ABR: variants seen among roughly 807,000 people sequenced by gnomAD.
The protein encoded by ABR is ABR activator of RhoGEF and GTPase.
Under a neutral mutation model 107.2 loss-of-function variants are expected in ABR, and 35 were observed. The observed-to-expected ratio is 0.33, with a 90% CI of 0.25 to 0.43. The LOEUF is 0.43. Ranked by LOEUF, ABR falls within the 20% of genes least tolerant of loss-of-function variation. The pLI is 1.00. For synonymous variants in ABR, 498 were observed against 462.0 expected (o/e 1.08, Z -1.00); for missense variants, 815 against 1,115.2 (o/e 0.73, Z 3.83).
At chr17:1,181,457 C>T (rs2042131279), upstream of ABR, among the ~76,000 whole-genome samples, 2 of 152,132 alleles carry the variant, frequency 1.3e-5, no homozygotes, top group South Asian at 4.1e-4. Context: ...CCAGGGCTCC[C>T]TCCGCCCCAA....
chr17:1,121,246 T>G (rs1394465958), intron 2 of ABR, among the ~76,000 whole-genome samples: 1 of 152,160 alleles, frequency 6.6e-6, no homozygotes, highest in East Asian at 1.9e-4. Flanking sequence ...GAGAGGAGCA[T>G]GTCCTGCCAA....
At chr17:1,075,380 G>A (rs1276350775) in intron 6 of ABR, among the ~76,000 whole-genome samples, 3 of 152,272 alleles carry the variant, frequency 2.0e-5, no homozygotes, top group Non-Finnish European at 2.9e-5. Context: ...AGGTCCCAGC[G>A]TGAACACGCA....
chr17:1,032,016 C>CG (rs2072848029), intron 16 of ABR, among the ~76,000 whole-genome samples: 1 of 151,558 alleles, frequency 6.6e-6, no homozygotes, highest in Non-Finnish European at 1.5e-5. Flanking sequence ...GCCCCAACCC[C>CG]GGGTTTCATC....
upstream of ABR, among the ~76,000 whole-genome samples, chr17:1,189,142 G>A (rs577354047): frequency 2.0e-5 from 3 of 152,256 alleles, no homozygotes; most frequent in South Asian, 6.2e-4. Context: ...GAGTGAAGAA[G>A]GGTGAGACTC....
chr17:1,056,115 A>G lies in ABR; in HGVS notation c.1487-6T>C. The G allele has an allele frequency of 6.2e-7, 1 of 1,613,790 alleles. No homozygotes were observed. The highest frequency in any genetic ancestry group is 8.5e-7 in the Non-Finnish European group (1 of 1,179,684). On this transcript the variant is annotated splice_region_variant and splice_polypyrimidine_tract_variant and intron_variant, in intron 13 of 22. Transcript: ENST00000302538. ...GAGTCCTGGAGACTCATCGTCTGCA[A>G]GAGAGAAAAGCCCCCAGGGCAGAGG...
chr17:1,201,112 G>T (rs186435386), intron 1 of ABR, among the ~76,000 whole-genome samples: 40 of 152,370 alleles, frequency 2.6e-4, no homozygotes, highest in African/African-American at 9.6e-4. Flanking sequence ...GATCAGAGGA[G>T]CAGCCGGGGA....
intron 10 of ABR, among the ~76,000 whole-genome samples, chr17:1,062,334 C>T (rs1381142353): frequency 2.7e-5 from 4 of 147,430 alleles, no homozygotes; most frequent in Non-Finnish European, 6.0e-5. Flanking sequence ...GTTATGTGAA[C>T]TGAGGGCTAT....
In ABR at chr17:1,108,811, G is replaced by A. The variant is rs908117397; in HGVS notation, c.247-8076C>T. On this transcript the variant is annotated intron_variant, in intron 2 of 22. Coordinates refer to ENST00000302538, the MANE Select transcript of ABR (RefSeq NM_021962.5). ...CCCCGGGAACAGCTGCCGGGGCCGG[G>A]ACCCTCCGCCGAGGGCTTCCACCCG... is the stretch of plus-strand genomic sequence containing the variant. The A allele has an allele frequency of 9.8e-5, 42 of 426,510 alleles. No individual in the cohort carries two copies. In the African/African-American group the frequency reaches 1.7e-3, roughly 18 times the overall value. 26.4% of individuals were successfully genotyped at this position (426,510 alleles called of 1,614,324 possible). A position where few individuals can be genotyped will look rare whatever the true frequency, so the allele number is the denominator to read the frequency against.
At chr17:1,068,803 C>A (rs936260286) in intron 9 of ABR, among the ~76,000 whole-genome samples, 5 of 152,158 alleles carry the variant, frequency 3.3e-5, no homozygotes, top group African/African-American at 1.2e-4. Flanking sequence ...TCTAGCTGTG[C>A]GAGCTTGGGC....
intron 16 of ABR, among the ~76,000 whole-genome samples, chr17:1,025,320 A>G (rs1219163772): frequency 2.6e-5 from 4 of 152,110 alleles, no homozygotes; most frequent in Non-Finnish European, 5.9e-5. Context: ...AAACAAAAAC[A>G]AAAGAACCCA....
upstream of ABR, among the ~76,000 whole-genome samples, chr17:1,189,381 T>TTC (rs1458384823): frequency 1.3e-5 from 2 of 149,530 alleles, no homozygotes; most frequent in Non-Finnish European, 3.0e-5. Context: ...CAGAGTCTCG[T>TTC]TCTTGTCCCC....
In ABR at chr17:1,005,182, T is replaced by C; in HGVS notation, c.*898A>G. 2.5e-6 allele frequency: 1 copy of C among 398,720 alleles called. No individual in the cohort carries two copies. Among genetic ancestry groups the C allele is most frequent in the Non-Finnish European group, 4.4e-6 (1 of 226,138 alleles). 24.7% of individuals were successfully genotyped at this position (398,720 alleles called of 1,614,324 possible). On this transcript the variant is annotated 3_prime_UTR_variant, in exon 23 of 23. Transcript: ENST00000302538. ...CCATTCTCTCCTGACCCTCTGGCTA[T>C]CTCGATAGCAGGTCACCTGTGAGTC... is the stretch of plus-strand genomic sequence containing the variant.
chr17:1,182,250 T>C (rs1411438501), upstream of ABR: 1 of 152,124 alleles, frequency 6.6e-6, no homozygotes, highest in African/African-American at 2.4e-5. Flanking sequence ...GTTATCTCTG[T>C]TTTCTCCATT....
At chr17:1,038,268 G>T (rs755687920) in intron 16 of ABR, among the ~76,000 whole-genome samples, 2 of 152,146 alleles carry the variant, frequency 1.3e-5, no homozygotes, top group East Asian at 3.9e-4. Flanking sequence ...CAGTTCTCCC[G>T]AAGGCCTCGC....
chr17:1,102,852 A>G (rs2037994873), intron 2 of ABR, among the ~76,000 whole-genome samples: 1 of 152,074 alleles, frequency 6.6e-6, no homozygotes, highest in South Asian at 2.1e-4. Context: ...CTGGGATTAC[A>G]GGCGTCCACC....
At position 1,079,403 on chromosome 17, in the gene ABR, G is replaced by C. The variant is rs374191545; in HGVS notation, c.640-13C>G. 6.0e-5 allele frequency: 96 copies of C among 1,611,280 alleles called. No individual in the cohort carries two copies. The highest frequency in any genetic ancestry group is 8.1e-5 in the Non-Finnish European group (96 of 1,178,456). ...TCACTTTGAGTTCCTGCCAAAGGGA[G>C]GAGAGGAGTCATGGCCTGTTCTGTC... On this transcript the variant is annotated splice_polypyrimidine_tract_variant and intron_variant, in intron 5 of 22. Transcript: ENST00000302538.
chr17:1,086,939 T>C (rs2036630605), intron 4 of ABR, among the ~76,000 whole-genome samples: 1 of 152,028 alleles, frequency 6.6e-6, no homozygotes, highest in African/African-American at 2.4e-5. Context: ...AGACCTTTTT[T>C]TTTTTTTAAA....
intron 1 of ABR, among the ~76,000 whole-genome samples, chr17:1,167,923 C>A (rs952329605): frequency 5.3e-5 from 8 of 151,528 alleles, no homozygotes; most frequent in African/African-American, 1.9e-4. Flanking sequence ...GAGGCCGAGG[C>A]GGACAGATCA....
intron 1 of ABR, among the ~76,000 whole-genome samples, chr17:1,163,163 A>G (rs367991625): frequency 3.3e-5 from 5 of 152,368 alleles, no homozygotes; most frequent in East Asian, 3.9e-4. Context: ...TATCTTCTTC[A>G]TAGACTTTGT....
Sources: allele counts gnomAD v4.1 joint callset (sites outside exome capture counted in the v4.1 genomes callset), GRCh38; gene constraint gnomAD v4.1.1; transcripts MANE v1.5; gene names NCBI Gene and HGNC (gene_info 2026-07-23, HGNC 2026-07-21).